MDGA2: variants seen among roughly 807,000 people sequenced by gnomAD.
MDGA2 encodes the protein MAM domain-containing glycosylphosphatidylinositol anchor protein 2.
A neutral mutation model predicts 117.8 loss-of-function variants in MDGA2; 40 were observed. The ratio of observed to expected loss-of-function variants is 0.34; its 90% CI spans 0.26 to 0.44. MDGA2 has a LOEUF of 0.44. MDGA2 is among the 20% of genes least tolerant of loss of function. The pLI is 1.00. For synonymous variants in MDGA2, 452 were observed against 439.0 expected, an observed-to-expected ratio of 1.03 and a Z score of -0.37; for missense variants, 1,123 against 1,250.6, an observed-to-expected ratio of 0.90 and a Z score of 1.54.
chr14:47,312,458 C>T (rs1438955227), intron 1 of MDGA2, among the ~76,000 whole-genome samples: 1 of 152,084 alleles, frequency 6.6e-6, no homozygotes, highest in African/African-American at 2.4e-5. Flanking sequence ...TAATAAACAC[C>T]TCTTCTAAGA....
At chr14:47,205,889 G>A (rs1885665132) in intron 3 of MDGA2, among the ~76,000 whole-genome samples, 1 of 151,936 alleles carries the variant, frequency 6.6e-6, no homozygotes, top group African/African-American at 2.4e-5. Flanking sequence ...CCAGCACTGA[G>A]TCACACAAAA....
chr14:47,645,620 ATAT>A lies in MDGA2; in HGVS notation c.280+28894_280+28896del, dbSNP rs199953591. Among the ~76,000 whole-genome samples the A allele has an allele frequency of 5.3e-3, 807 of 152,164 alleles. 7 individuals are homozygous for A. The highest frequency in any genetic ancestry group is 0.018 in the African/African-American group (759 of 41,564). ...ATAAAAATAATTCTTATAATTACAA[ATAT>A]TATAATTACAGACTGTTTCATTATT... On this transcript the variant is annotated intron_variant, in intron 1 of 16. Coordinates refer to ENST00000399232, the MANE Select transcript of MDGA2 (RefSeq NM_001113498.3).
In MDGA2 at chr14:47,252,966, C is replaced by T. The variant is rs186937368; in HGVS notation, c.421-34771G>A. Among the ~76,000 whole-genome samples, 38 of 152,088 alleles carry T rather than the reference C, an allele frequency of 2.5e-4. 1 individual carries two copies. In the East Asian group the frequency reaches 6.4e-3, roughly 26 times the overall value. ...AACATATCCTTCTCACATGGTGGTA[C>T]GAGAGAGAAGAATGAGAGCCGAGCA... On this transcript the variant is annotated intron_variant, in intron 2 of 16. Coordinates refer to ENST00000399232, the MANE Select transcript of MDGA2 (RefSeq NM_001113498.3).
At chr14:47,372,032 G>C (rs192453124) in intron 1 of MDGA2, among the ~76,000 whole-genome samples, 30 of 151,578 alleles carry the variant, frequency 2.0e-4, no homozygotes, top group African/African-American at 7.2e-4. Flanking sequence ...CTGATATTTA[G>C]AAAAGGAACT....
At chr14:47,254,450 T>C (rs7494078) in intron 2 of MDGA2, among the ~76,000 whole-genome samples, 22,013 of 152,182 alleles carry the variant, frequency 0.14, 1,870 homozygotes, top group South Asian at 0.27. Context: ...TGCTAAAGCA[T>C]AGCAAGAGTT....
intron 3 of MDGA2, among the ~76,000 whole-genome samples, chr14:47,216,707 A>G (rs1886101923): frequency 6.6e-6 from 1 of 152,148 alleles, no homozygotes; most frequent in African/African-American, 2.4e-5. Context: ...ACACTATTAT[A>G]TTACAAAAAG....
intron 2 of MDGA2, among the ~76,000 whole-genome samples, chr14:47,294,773 G>T (rs1052245618): frequency 6.6e-6 from 1 of 152,034 alleles, no homozygotes; most frequent in Non-Finnish European, 1.5e-5. Flanking sequence ...TAAAATATCT[G>T]CAAAGAACAA....
intron 1 of MDGA2, among the ~76,000 whole-genome samples, chr14:47,522,837 G>A (rs1594898493): frequency 1.3e-5 from 2 of 152,150 alleles, no homozygotes; most frequent in Non-Finnish European, 1.5e-5. Context: ...TGACACTTTC[G>A]GGTAATCTCC....
intron 3 of MDGA2, among the ~76,000 whole-genome samples, chr14:47,182,985 G>A (rs1400431070): frequency 6.6e-6 from 1 of 152,002 alleles, no homozygotes; most frequent in Non-Finnish European, 1.5e-5. Context: ...TGATGATAAT[G>A]TCTAATTATT....
At chr14:47,567,171 G>A (rs1021263194) in intron 1 of MDGA2, among the ~76,000 whole-genome samples, 4 of 151,926 alleles carry the variant, frequency 2.6e-5, no homozygotes, top group Admixed American at 1.3e-4. Flanking sequence ...AAAGTGCTGG[G>A]ACTATAGGCC....
chr14:46,891,660 A>G (rs892355425), intron 10 of MDGA2, among the ~76,000 whole-genome samples: 6 of 151,610 alleles, frequency 4.0e-5, no homozygotes, highest in African/African-American at 1.4e-4. Context: ...AATAGGACTT[A>G]AGAAGGTGAA....
intron 1 of MDGA2, among the ~76,000 whole-genome samples, chr14:47,549,417 T>C (rs1895536769): frequency 6.6e-6 from 1 of 151,364 alleles, no homozygotes; most frequent in African/African-American, 2.4e-5. Flanking sequence ...CATTCCAGTG[T>C]GGTTCTCTCA....
At chr14:47,528,860 C>T in intron 1 of MDGA2, among the ~76,000 whole-genome samples, 1 of 152,162 alleles carries the variant, frequency 6.6e-6, no homozygotes, top group Non-Finnish European at 1.5e-5. Context: ...AACAATCTAT[C>T]TACTACACCA....
intron 1 of MDGA2, among the ~76,000 whole-genome samples, chr14:47,620,685 T>G (rs1413924473): frequency 2.0e-5 from 3 of 152,194 alleles, no homozygotes; most frequent in African/African-American, 7.2e-5. Context: ...ATTAAGAATC[T>G]GGTTGCCATT....
At chr14:47,433,593 A>G (rs1892840828) in intron 1 of MDGA2, among the ~76,000 whole-genome samples, 1 of 152,162 alleles carries the variant, frequency 6.6e-6, no homozygotes, top group Non-Finnish European at 1.5e-5. Context: ...GACATTTGAA[A>G]AACTATTCAC....
Position 47,278,376 on chromosome 14 carries a change from G to A in MDGA2, c.420+23035C>T, listed in dbSNP as rs147906487. On this transcript the variant is annotated intron_variant, in intron 2 of 16. Transcript: ENST00000399232. ...ATACAATGTATAGTGATCAGATCAG[G>A]GTCATGAAGCCAGAACTCAGACTGT... Among the ~76,000 whole-genome samples, 469 of 145,412 alleles carry A rather than the reference G, an allele frequency of 3.2e-3. 7 individuals are homozygous for A. The highest frequency in any genetic ancestry group is 0.029 in the Admixed American group (440 of 14,930).
chr14:47,001,599 A>G (rs1216819089), intron 8 of MDGA2, among the ~76,000 whole-genome samples: 1 of 152,148 alleles, frequency 6.6e-6, no homozygotes, highest in Non-Finnish European at 1.5e-5. Context: ...AACACTATTC[A>G]ATACAAAAAT....
At chr14:47,162,700 A>G (rs1301513637) in intron 3 of MDGA2, among the ~76,000 whole-genome samples, 1 of 152,108 alleles carries the variant, frequency 6.6e-6, no homozygotes, top group Non-Finnish European at 1.5e-5. Flanking sequence ...TATTATTTCC[A>G]TAGGCTATAT....
chr14:47,061,653 T>A, intron 6 of MDGA2, 75 bp from the exon 7 acceptor site: 1 of 1,183,170 alleles, frequency 8.5e-7, no homozygotes, highest in Middle Eastern at 2.0e-4. Flanking sequence ...TAGATAATCA[T>A]CTCTGAGCTG....
Sources: gnomAD v4.1 joint callset for allele counts (sites outside exome capture counted in the v4.1 genomes callset) on GRCh38, gnomAD v4.1.1 for gene constraint, MANE v1.5 for transcripts, NCBI Gene and HGNC (gene_info 2026-07-23, HGNC 2026-07-21) for gene names.